Variants in PRMT9 observed in about 807,000 individuals in gnomAD.
PRMT9 encodes the protein protein arginine N-methyltransferase 9.
A neutral mutation model predicts 83.2 loss-of-function variants in PRMT9; 59 were observed. That is an observed-to-expected ratio of 0.71 (90% CI 0.57 to 0.88). The LOEUF is 0.88. PRMT9 is among the 40% of genes least tolerant of loss of function. The pLI is 0.00. For missense variants in PRMT9, 947 were observed against 1,021.9 expected, an observed-to-expected ratio of 0.93 and a Z score of 1.00; for synonymous variants, 333 against 353.2, an observed-to-expected ratio of 0.94 and a Z score of 0.64.
At chr4:147,658,669 G>A (rs963367919) in intron 7 of PRMT9, among the ~76,000 whole-genome samples, 2 of 152,196 alleles carry the variant, frequency 1.3e-5, no homozygotes, top group Admixed American at 6.5e-5. Flanking sequence ...ATTGAAAGTC[G>A]TAACAGGTAA....
intron 9 of PRMT9, among the ~76,000 whole-genome samples, chr4:147,648,319 G>A (rs1733864354): frequency 1.3e-5 from 2 of 152,162 alleles, no homozygotes; most frequent in East Asian, 3.9e-4. Context: ...AATAGCCAAT[G>A]ATGTAATCAG....
intron 9 of PRMT9, among the ~76,000 whole-genome samples, chr4:147,653,126 A>G (rs1347883533): frequency 1.3e-5 from 2 of 152,192 alleles, no homozygotes; most frequent in Admixed American, 6.5e-5. Flanking sequence ...AATGACCAGT[A>G]GCAATAAGCA....
chr4:147,646,072 C>T (rs1429933888), intron 9 of PRMT9, among the ~76,000 whole-genome samples: 3 of 152,162 alleles, frequency 2.0e-5, no homozygotes, highest in Non-Finnish European at 2.9e-5. Context: ...TGAAATTTCA[C>T]ACATCTTAAT....
At position 147,638,809 on chromosome 4, in the gene PRMT9, T is replaced by C. The variant is rs1578868124; in HGVS notation, c.2323-62A>G. On this transcript the variant is annotated intron_variant, in intron 11 of 11. Coordinates refer to ENST00000322396, the MANE Select transcript of PRMT9 (RefSeq NM_138364.4). ...CATAGAGTAGACTTAGATAAGTCTC[T>C]TTTTAGTTACTTTTAAATACAAAAA... 2.9e-6 allele frequency: 4 copies of C among 1,401,530 alleles called. No individual in the cohort carries two copies. In the Admixed American group the frequency reaches 7.6e-5, roughly 26 times the overall value. The allele number at this position is 1,401,530 out of a possible 1,614,324, so 86.8% of individuals were successfully genotyped here.
At chr4:147,675,994 A>G (rs1736043603) in intron 2 of PRMT9, among the ~76,000 whole-genome samples, 1 of 152,182 alleles carries the variant, frequency 6.6e-6, no homozygotes, top group South Asian at 2.1e-4. Context: ...ATTTTTGATG[A>G]CAAAAGGAGT....
chr4:147,683,991 A>C lies in PRMT9; in HGVS notation c.-4T>G. On this transcript the variant is annotated 5_prime_UTR_variant, in exon 1 of 12. Transcript: ENST00000322396. ...ACCTGGGCCGCGAGTTCGACATGGC[A>C]GTCACCACTTGTATGGCCAAAGGGA... is the stretch of plus-strand genomic sequence containing the variant. 6.2e-7 allele frequency: 1 copy of C among 1,612,624 alleles called. No individual in the cohort carries two copies. The highest frequency in any genetic ancestry group is 8.5e-7 in the Non-Finnish European group (1 of 1,179,590).
intron 8 of PRMT9, among the ~76,000 whole-genome samples, chr4:147,656,771 C>CAAAAAAAAA (rs1023416920): frequency 9.8e-4 from 47 of 47,728 alleles, no homozygotes; most frequent in Non-Finnish European, 1.1e-3. Context: ...GACTCTGTCT[C>CAAAAAAAAA]AAAAAAAAAA....
At position 147,649,150 on chromosome 4, in the gene PRMT9, C is replaced by CAG. The variant is rs143527864; in HGVS notation, c.2045+4700_2045+4701dup. Reference sequence around the variant, plus strand: ...TTGGCTGACTGTTCATGGCAGAGGGCAGAGAGAGAGAGAGAGAAGAGGGGG... The same window carrying CAG: ...TTGGCTGACTGTTCATGGCAGAGGGCAGAGAGAGAGAGAGAGAGAAGAGGGGG... On this transcript the variant is annotated intron_variant, in intron 9 of 11. Coordinates refer to ENST00000322396, the MANE Select transcript of PRMT9 (RefSeq NM_138364.4). Among the ~76,000 whole-genome samples the CAG allele has an allele frequency of 5.0e-4, 72 of 143,804 alleles. No individual in the cohort carries two copies. The East Asian group carries it at 0.012, about 24-fold the overall frequency. The allele number at this position is 143,804 out of a possible 152,430, so 94.3% of individuals were successfully genotyped here.
At position 147,661,005 on chromosome 4, in the gene PRMT9, C is replaced by T; in HGVS notation, c.987G>A (p.Leu329=). 6.2e-7 allele frequency: 1 copy of T among 1,612,738 alleles called. No individual in the cohort carries two copies. Among genetic ancestry groups the T allele is most frequent in the Non-Finnish European group, 8.5e-7 (1 of 1,179,048 alleles). ...VGIKDIAGIH[L]PTNVKFQSPA... is the part of the protein sequence containing the mutation. ...GACTCTGAAATTTCACATTTGTTGG[C>T]AAATGGATACCAGCAATGTCCTTAA... Residue 329 remains leucine (L), a synonymous_variant, in exon 7 of 12, where the codon TTG becomes TTA. Coordinates refer to ENST00000322396, the MANE Select transcript of PRMT9 (RefSeq NM_138364.4).
At chr4:147,659,582 T>TTTC (rs1214997760) in intron 7 of PRMT9, among the ~76,000 whole-genome samples, 3 of 135,306 alleles carry the variant, frequency 2.2e-5, no homozygotes, top group African/African-American at 9.1e-5. Context: ...TTCTTTTCTT[T>TTTC]TTTTTTTTTT....
At chr4:147,659,448 C>T (rs1213560557) in intron 7 of PRMT9, among the ~76,000 whole-genome samples, 1 of 151,774 alleles carries the variant, frequency 6.6e-6, no homozygotes, top group Admixed American at 6.6e-5. Flanking sequence ...CTAAAATTAC[C>T]CTCACAGAGT....
At chr4:147,675,772 T>C (rs971291363) in intron 2 of PRMT9, among the ~76,000 whole-genome samples, 1 of 152,198 alleles carries the variant, frequency 6.6e-6, no homozygotes, top group African/African-American at 2.4e-5. Flanking sequence ...ATGCCCTTTT[T>C]CTTTTAACTA....
rs767137695 is a variant in PRMT9 at position 147,639,089 on chromosome 4, A to G, written c.2200-7T>C. Reference sequence around the variant, plus strand: ...AAAATACACGTATAGGTACCTAGAGAAAGTATAAATTTTTCACTTTCACTT... The same window carrying G: ...AAAATACACGTATAGGTACCTAGAGGAAGTATAAATTTTTCACTTTCACTT... On this transcript the variant is annotated splice_region_variant and splice_polypyrimidine_tract_variant and intron_variant, in intron 10 of 11. Transcript: ENST00000322396. 74 of 1,613,108 alleles carry G rather than the reference A, an allele frequency of 4.6e-5. No individual in the cohort carries two copies. Among genetic ancestry groups the G allele is most frequent in the Non-Finnish European group, 6.2e-5 (73 of 1,179,416 alleles).
At chr4:147,651,682 C>T (rs927560365) in intron 9 of PRMT9, among the ~76,000 whole-genome samples, 14 of 152,126 alleles carry the variant, frequency 9.2e-5, no homozygotes, top group African/African-American at 3.4e-4. Flanking sequence ...ATGGATGAAC[C>T]TTGAAGACAT....
chr4:147,645,205 C>T (rs1184143419), intron 9 of PRMT9, among the ~76,000 whole-genome samples: 2 of 152,134 alleles, frequency 1.3e-5, no homozygotes, highest in Non-Finnish European at 2.9e-5. Context: ...TATAAAACAC[C>T]CCATTCCTCA....
chr4:147,666,092 TCAAA>T (rs1735315924), intron 6 of PRMT9, among the ~76,000 whole-genome samples: 4 of 152,206 alleles, frequency 2.6e-5, no homozygotes, highest in Admixed American at 2.6e-4. Flanking sequence ...AAATAAGATA[TCAAA>T]CAACTTTAAT....
At chr4:147,680,794 C>T (rs1736413751) in intron 1 of PRMT9, among the ~76,000 whole-genome samples, 1 of 152,188 alleles carries the variant, frequency 6.6e-6, no homozygotes, top group South Asian at 2.1e-4. Context: ...GTCCTTGGCC[C>T]TCTTCTTTTT....
chr4:147,683,367 G>A (rs1272909172), intron 1 of PRMT9, among the ~76,000 whole-genome samples: 1 of 152,184 alleles, frequency 6.6e-6, no homozygotes, highest in Non-Finnish European at 1.5e-5. Context: ...TAGCTATGTT[G>A]ACACAGACTG....
At chr4:147,652,848 G>A (rs1460750372) in intron 9 of PRMT9, among the ~76,000 whole-genome samples, 1 of 152,152 alleles carries the variant, frequency 6.6e-6, no homozygotes, top group Non-Finnish European at 1.5e-5. Flanking sequence ...ATGAGCAAAT[G>A]AGTAAGTATA....
Sources: allele counts gnomAD v4.1 joint callset (sites outside exome capture counted in the v4.1 genomes callset), GRCh38; gene constraint gnomAD v4.1.1; transcripts MANE v1.5; gene names NCBI Gene and HGNC (gene_info 2026-07-23, HGNC 2026-07-21).